The following MTF2 variants were observed in gnomAD, a reference collection of about 807,000 sequenced individuals.
MTF2 encodes the protein metal response element binding transcription factor 2.
In MTF2, 11 loss-of-function variants were observed where a neutral mutation model predicts 79.5. The ratio of observed to expected loss-of-function variants is 0.14; its 90% CI spans 0.09 to 0.23. The LOEUF is 0.23. Among genes scored for constraint, MTF2 ranks in the 10% least tolerant of loss-of-function variants. The pLI, the probability that MTF2 is intolerant of heterozygous loss-of-function variation, is 1.00. For synonymous variants in MTF2, 208 were observed against 232.8 expected (o/e 0.89, Z 0.97); for missense variants, 486 against 711.2 (o/e 0.68, Z 3.60).
chr1:93,137,118 T>TTA lies in MTF2; in HGVS notation c.*91_*92insTA. 1.2e-6 allele frequency: 1 copy of TTA among 821,498 alleles called. No homozygotes were observed. Among genetic ancestry groups the TTA allele is most frequent in the Non-Finnish European group, 1.7e-6 (1 of 578,664 alleles). The allele number at this position is 821,498 out of a possible 1,614,324, so 50.9% of individuals were successfully genotyped here. A position where few individuals can be genotyped will look rare whatever the true frequency, so the allele number is the denominator to read the frequency against. On this transcript the variant is annotated 3_prime_UTR_variant, in exon 15 of 15. Transcript: ENST00000370298. ...GGAGTCTGGCTTTTACTATCTTTCT[T>TTA]AAAAAAAAAAAAAAGTCAAAAAAAT...
rs1647487060 is a variant in MTF2, at chr1:93,138,383, T to TG, written c.*1361dup. ...TGATTGGTGGATTTTAGACTAATTA[T>TG]GGGGGAATTTGCCACCAAAATAAAA... On this transcript the variant is annotated 3_prime_UTR_variant, in exon 15 of 15. Coordinates refer to ENST00000370298, the MANE Select transcript of MTF2 (RefSeq NM_007358.4). 1.3e-5 allele frequency: 2 copies of TG among 152,194 alleles called. No individual in the cohort carries two copies. Among genetic ancestry groups the TG allele is most frequent in the Admixed American group, 1.3e-4 (2 of 15,270 alleles). The allele number at this position is 152,194 out of a possible 1,614,324, so 9.4% of individuals were successfully genotyped here. A position where few individuals can be genotyped will look rare whatever the true frequency, so the allele number is the denominator to read the frequency against.
intron 12 of MTF2, 30 bp downstream of exon 12, chr1:93,133,838 A>G: frequency 6.4e-7 from 1 of 1,559,864 alleles, no homozygotes; most frequent in East Asian, 2.2e-5. Context: ...TATGTTCTCA[A>G]GAAGAAGGAT....
chr1:93,135,952 A>C (rs1647371219), intron 14 of MTF2, among the ~76,000 whole-genome samples: 1 of 152,268 alleles, frequency 6.6e-6, no homozygotes, highest in Non-Finnish European at 1.5e-5. Flanking sequence ...CTGGGTTGTT[A>C]ACTTATACAG....
At chr1:93,106,811 G>A (rs1190135129) in intron 1 of MTF2, among the ~76,000 whole-genome samples, 7 of 152,120 alleles carry the variant, frequency 4.6e-5, no homozygotes, top group Admixed American at 3.3e-4. Context: ...GTGAGCCACC[G>A]CATCCTGCCC....
chr1:93,120,977 G>T, intron 9 of MTF2: 4 of 1,069,088 alleles, frequency 3.7e-6, no homozygotes, highest in South Asian at 2.8e-5. Context: ...TTTAGTATTG[G>T]GTATCTTACT....
chr1:93,096,798 T>C (rs1655307743), intron 1 of MTF2, among the ~76,000 whole-genome samples: 1 of 42,970 alleles, frequency 2.3e-5, no homozygotes, highest in Non-Finnish European at 1.3e-4. Flanking sequence ...TATTTTCTTT[T>C]TTTCTTTTTC....
intron 1 of MTF2, among the ~76,000 whole-genome samples, chr1:93,107,332 C>G (rs1655836100): frequency 6.6e-6 from 1 of 152,152 alleles, no homozygotes; most frequent in Non-Finnish European, 1.5e-5. Flanking sequence ...TCAAGCGGTT[C>G]TCCTGCCTCA....
intron 1 of MTF2, among the ~76,000 whole-genome samples, chr1:93,105,964 A>G (rs928769799): frequency 2.0e-5 from 3 of 152,004 alleles, no homozygotes; most frequent in African/African-American, 7.2e-5. Flanking sequence ...GTGAGCCACC[A>G]TGCCCGGCCA....
chr1:93,115,230 T>C (rs930949155), intron 5 of MTF2, 142 bp downstream of exon 5: 8 of 702,926 alleles, frequency 1.1e-5, no homozygotes, highest in African/African-American at 1.8e-5. Context: ...ATTTGACTAA[T>C]GATGCTTAAG....
rs1022679417 is a variant in MTF2 at position 93,119,467 on chromosome 1, T to C, written c.797+66T>C. 1.8e-5 allele frequency: 21 copies of C among 1,196,764 alleles called. No individual in the cohort carries two copies. The African/African-American group carries it at 2.8e-4, about 16-fold the overall frequency. 74.1% of individuals were successfully genotyped at this position (1,196,764 alleles called of 1,614,324 possible). On this transcript the variant is annotated intron_variant, in intron 8 of 14. Coordinates refer to ENST00000370298, the MANE Select transcript of MTF2 (RefSeq NM_007358.4). ...TTCTTAAACCTACAAGTTGAAACTTTCTATATACATTTACTTGGCTTAAGT... is the reference window on the plus strand; with the variant it reads ...TTCTTAAACCTACAAGTTGAAACTTCCTATATACATTTACTTGGCTTAAGT...
Position 93,118,243 on chromosome 1 carries a change from G to C in MTF2, c.633-102G>C, listed in dbSNP as rs1040251846. On this transcript the variant is annotated intron_variant, in intron 6 of 14. Transcript: ENST00000370298. Reference sequence around the variant, plus strand: ...GAAATGTGATGCTTTAATTAGAACAGTATTGTGGATTAGGCCACTTTTTTT... The same window carrying C: ...GAAATGTGATGCTTTAATTAGAACACTATTGTGGATTAGGCCACTTTTTTT... 6 of 633,848 alleles carry C rather than the reference G, an allele frequency of 9.5e-6. No individual in the cohort carries two copies. In the African/African-American group the frequency reaches 1.2e-4, roughly 13 times the overall value. 39.3% of individuals were successfully genotyped at this position (633,848 alleles called of 1,614,324 possible). A position where few individuals can be genotyped will look rare whatever the true frequency, so the allele number is the denominator to read the frequency against.
At chr1:93,130,539 T>C (rs1656876270) in intron 11 of MTF2, among the ~76,000 whole-genome samples, 1 of 151,952 alleles carries the variant, frequency 6.6e-6, no homozygotes, top group Non-Finnish European at 1.5e-5. Flanking sequence ...ATCGTGCCAC[T>C]GCACTCCAGC....
intron 1 of MTF2, among the ~76,000 whole-genome samples, chr1:93,094,270 TGGTTATATAA>T (rs1439787767): frequency 6.6e-6 from 1 of 152,188 alleles, no homozygotes; most frequent in East Asian, 1.9e-4. Context: ...TTTTCTATCT[TGGTTATATAA>T]GGTGAAAACT....
At chr1:93,096,626 C>CT (rs199843686) in intron 1 of MTF2, among the ~76,000 whole-genome samples, 10 of 150,542 alleles carry the variant, frequency 6.6e-5, no homozygotes, top group African/African-American at 2.0e-4. Context: ...AATTCATTAA[C>CT]TTTTTTTTTC....
intron 1 of MTF2, among the ~76,000 whole-genome samples, chr1:93,081,582 A>T (rs1654609372): frequency 6.6e-6 from 1 of 152,136 alleles, no homozygotes; most frequent in South Asian, 2.1e-4. Context: ...TCTTCAGGAA[A>T]ATTTGTTTAT....
chr1:93,122,318 G>A (rs115238233), intron 9 of MTF2, among the ~76,000 whole-genome samples: 3,813 of 152,240 alleles, frequency 0.025, 136 homozygotes, highest in African/African-American at 0.081. Flanking sequence ...AAATTCTGCA[G>A]TAGTAACTTG....
rs1656827790 is a variant in MTF2, at chr1:93,129,350, A to C, written c.1062A>C (p.Pro354=). 2 of 1,598,168 alleles carry C rather than the reference A, an allele frequency of 1.3e-6. No homozygotes were observed. The highest frequency in any genetic ancestry group is 1.7e-4 in the Middle Eastern group (1 of 5,994). ...FGLRIRVPPV[P]PNVAFKAEKE... ...TGCGAATTCGTGTTCCTCCTGTGCC[A>C]CCAAATGTGGCTTTCAAAGCAGAGA... Residue 354 remains proline (P), a synonymous_variant, in exon 11 of 15, where the codon CCA becomes CCC. Coordinates refer to ENST00000370298, the MANE Select transcript of MTF2 (RefSeq NM_007358.4).
chr1:93,081,584 T>C (rs1174546931), intron 1 of MTF2, among the ~76,000 whole-genome samples: 2 of 152,208 alleles, frequency 1.3e-5, no homozygotes, highest in Non-Finnish European at 2.9e-5. Context: ...TTCAGGAAAA[T>C]TTGTTTATTG....
Position 93,137,112 on chromosome 1 carries a change from C to A in MTF2, c.*85C>A. The A allele has an allele frequency of 1.2e-4, 122 of 984,960 alleles. No individual in the cohort carries two copies. The highest frequency in any genetic ancestry group is 1.6e-4 in the Non-Finnish European group (111 of 694,182). 61.0% of individuals were successfully genotyped at this position (984,960 alleles called of 1,614,324 possible). ...CCTAAAGGAGTCTGGCTTTTACTAT[C>A]TTTCTTAAAAAAAAAAAAAAGTCAA... On this transcript the variant is annotated 3_prime_UTR_variant, in exon 15 of 15. Transcript: ENST00000370298.
Sources: gnomAD v4.1 joint callset for allele counts (sites outside exome capture counted in the v4.1 genomes callset) on GRCh38, gnomAD v4.1.1 for gene constraint, MANE v1.5 for transcripts, NCBI Gene and HGNC (gene_info 2026-07-23, HGNC 2026-07-21) for gene names.